Variants in TATDN2 observed in about 807,000 individuals in gnomAD.
The protein encoded by TATDN2 is 3'-5' RNA nuclease TATDN2.
TATDN2 carries 44 observed loss-of-function variants against 60.3 expected under a neutral mutation model. That is an observed-to-expected ratio of 0.73 (90% CI 0.57 to 0.94). The LOEUF (loss-of-function observed/expected upper bound fraction) is 0.94, where lower values mean the gene tolerates loss of function less well. TATDN2 is among the 40% of genes least tolerant of loss of function. TATDN2 has a pLI of 0.00. For synonymous variants in TATDN2, 399 were observed against 355.8 expected, an observed-to-expected ratio of 1.12 and a Z score of -1.37; for missense variants, 997 against 948.0, an observed-to-expected ratio of 1.05 and a Z score of -0.68.
At position 10,279,009 on chromosome 3, in the gene TATDN2, GC is replaced by G; in HGVS notation, c.2272del (p.Leu758SerfsTer23). ...TLAALRENTS[R>X]LYSL ...GCTGCCTTGCGTGAGAACACCAGTC[GC>G]CTCTACAGTCTTTAAGCAGAGAAGG... On this transcript the variant is annotated frameshift_variant, in exon 7 of 8. Transcript: ENST00000448281. LOFTEE classifies it high-confidence loss of function. 1.9e-6 allele frequency: 3 copies of G among 1,614,212 alleles called. No individual in the cohort carries two copies. In the South Asian group the frequency reaches 3.3e-5, roughly 18 times the overall value.
At position 10,260,153 on chromosome 3, in the gene TATDN2, G is replaced by C; in HGVS notation, c.431G>C (p.Ser144Thr). 1 of 1,609,294 alleles carries C rather than the reference G, an allele frequency of 6.2e-7. No homozygotes were observed. The highest frequency in any genetic ancestry group is 8.5e-7 in the Non-Finnish European group (1 of 1,178,538). ...ACSLKVDSKD[S>T]SHNSTNSEFA... is the part of the protein sequence containing the mutation. ...TTTTCCCAGGTTGATTCCAAAGATA[G>C]TTCTCATAACTCCACAAACTCTGAA... Residue 144 changes from serine (S) to threonine (T), a missense_variant, in exon 3 of 8, where the codon AGT becomes ACT. By Grantham distance (58) the Ser-to-Thr change is moderately conservative. Coordinates refer to ENST00000448281, the MANE Select transcript of TATDN2 (RefSeq NM_014760.4).
At position 10,276,542 on chromosome 3, in the gene TATDN2, G is replaced by A. The variant is rs948790856; in HGVS notation, c.1961+54G>A. The A allele has an allele frequency of 2.8e-5, 44 of 1,573,422 alleles. 1 individual carries two copies. In the African/African-American group the frequency reaches 6.2e-4, roughly 22 times the overall value. ...ATGAAAGAAACACTTCCTCTGTCAA[G>A]TTGATGAGGACAGCAATGATCGTAT... On this transcript the variant is annotated intron_variant, in intron 5 of 7. Transcript: ENST00000448281.
Position 10,264,133 on chromosome 3 carries a change from G to C in TATDN2, c.948+3463G>C, listed in dbSNP as rs182389229. Among the ~76,000 whole-genome samples, 90 of 152,278 alleles carry C rather than the reference G, an allele frequency of 5.9e-4. 1 individual carries two copies. The highest frequency in any genetic ancestry group is 6.6e-4 in the Non-Finnish European group (45 of 68,030). ...TGTCTTCAAACAACTCACCTTCTCT[G>C]AGTATGAGGAGGGAATCTGGGATCT... On this transcript the variant is annotated intron_variant, in intron 3 of 7. Transcript: ENST00000448281.
At chr3:10,252,692 A>AGT (rs1293668017) in intron 2 of TATDN2, among the ~76,000 whole-genome samples, 5 of 134,854 alleles carry the variant, frequency 3.7e-5, no homozygotes. Flanking sequence ...TGCTCTGTAA[A>AGT]CTTTTTTTTT....
In TATDN2 at chr3:10,249,309, C is replaced by G. The variant is rs1417541700; in HGVS notation, c.109C>G (p.Arg37Gly). The change falls in exon 2 of 8, where the codon CGG (arginine) becomes GGG (glycine). Residue 37 changes from arginine to glycine, a missense_variant. By Grantham distance (125) the Arg-to-Gly change is moderately radical. Coordinates refer to ENST00000448281, the MANE Select transcript of TATDN2 (RefSeq NM_014760.4). ...GCCCTGTGATGTGGCCCCCTCCAGC[C>G]GGCCAGCTCAGAGGTCTGCGTCGCG... ...REPCDVAPSS[R>G]PAQRSASRSG... 14 of 1,607,428 alleles carry G rather than the reference C, an allele frequency of 8.7e-6. No homozygotes were observed. The highest frequency in any genetic ancestry group is 1.3e-5 in the African/African-American group (1 of 74,784).
chr3:10,271,710 T>TTTTTTC (rs1467868970), intron 4 of TATDN2, among the ~76,000 whole-genome samples: 1 of 152,176 alleles, frequency 6.6e-6, no homozygotes. Context: ...CTGTTAATAT[T>TTTTTTC]TTTTTCTTTT....
At chr3:10,271,802 C>T (rs751463229) in intron 4 of TATDN2, among the ~76,000 whole-genome samples, 17 of 104,628 alleles carry the variant, frequency 1.6e-4, no homozygotes, top group Non-Finnish European at 3.4e-4. Context: ...CCTCCACCTC[C>T]GCCTCCGCCT....
At chr3:10,254,346 G>T (rs1698273234) in intron 2 of TATDN2, among the ~76,000 whole-genome samples, 1 of 152,192 alleles carries the variant, frequency 6.6e-6, no homozygotes, top group Non-Finnish European at 1.5e-5. Context: ...CAAGGAGGGG[G>T]ACAGGACATT....
At chr3:10,267,314 C>G (rs1325317100) in intron 3 of TATDN2, among the ~76,000 whole-genome samples, 1 of 151,474 alleles carries the variant, frequency 6.6e-6, no homozygotes, top group Non-Finnish European at 1.5e-5. Context: ...GCCAACTTGA[C>G]TCTAGAAACC....
rs530805671 is a variant in TATDN2 at position 10,278,019 on chromosome 3, G to A, written c.1962-260G>A. Reference sequence around the variant, plus strand: ...CATTTCCTATCCCAGTGTGTTCTCTGTGGTGGTCATCTCAGGGGACTGCAG... The same window carrying A: ...CATTTCCTATCCCAGTGTGTTCTCTATGGTGGTCATCTCAGGGGACTGCAG... On this transcript the variant is annotated intron_variant, in intron 5 of 7. Coordinates refer to ENST00000448281, the MANE Select transcript of TATDN2 (RefSeq NM_014760.4). This position sits in a 1 kb window ranked among gnomAD's most constrained non-coding sequence, Gnocchi z 4.7. 6.6e-6 allele frequency among the ~76,000 whole-genome samples: 1 copy of A among 152,228 alleles called. No homozygotes were observed. Among genetic ancestry groups the A allele is most frequent in the African/African-American group, 2.4e-5 (1 of 41,526 alleles).
At chr3:10,269,476 A>G (rs1035585518) in intron 3 of TATDN2, among the ~76,000 whole-genome samples, 3 of 152,200 alleles carry the variant, frequency 2.0e-5, no homozygotes, top group African/African-American at 7.2e-5. Flanking sequence ...TGGGAGGCCA[A>G]GGCAGGAGGA....
intron 2 of TATDN2, 51 bp downstream of exon 2, chr3:10,249,665 G>C: frequency 6.8e-7 from 1 of 1,479,796 alleles, no homozygotes; most frequent in Non-Finnish European, 9.0e-7. Flanking sequence ...CACATGGCTT[G>C]AGAGGTTGGG....
In TATDN2 at chr3:10,260,084, T is replaced by C. The variant is rs375232465; in HGVS notation, c.415-53T>C. On this transcript the variant is annotated intron_variant, in intron 2 of 7. Coordinates refer to ENST00000448281, the MANE Select transcript of TATDN2 (RefSeq NM_014760.4). The stretch of plus-strand genomic sequence containing the variant: ...GATTTATAATTTGCCAAATGCTTCA[T>C]GTACGAAAGTGCCCTTGGAACAGCC... 2,226 of 1,548,430 alleles carry C rather than the reference T, an allele frequency of 1.4e-3. 22 individuals are homozygous for C. In the Middle Eastern group the frequency reaches 0.017, roughly 12 times the overall value.
rs549270225 is a variant in TATDN2 at position 10,251,287 on chromosome 3, G to A, written c.414+1673G>A. 1.2e-4 allele frequency among the ~76,000 whole-genome samples: 19 copies of A among 152,146 alleles called. 1 individual carries two copies. Among genetic ancestry groups the A allele is most frequent in the Admixed American group, 2.0e-4 (3 of 15,274 alleles). Reference sequence around the variant, plus strand: ...GAGCCCAGAATGGAGGCTGGAGAGCGAGGTAGGGGGTGGATTGCAGCAAGG... The same window carrying A: ...GAGCCCAGAATGGAGGCTGGAGAGCAAGGTAGGGGGTGGATTGCAGCAAGG... On this transcript the variant is annotated intron_variant, in intron 2 of 7. Transcript: ENST00000448281.
At position 10,278,415 on chromosome 3, in the gene TATDN2, G is replaced by A; in HGVS notation, c.2098G>A (p.Glu700Lys). ...AREALRQIPLERIIVETDAPY... is the reference protein window; with the variant it reads ...AREALRQIPLKRIIVETDAPY... ...GGAAGCCTTGAGGCAGATCCCACTG[G>A]AGAGAATCATCGTGGAAACGGATGC... Residue 700 changes from glutamate (E) to lysine (K), a missense_variant, in exon 6 of 8, where the codon GAG becomes AAG. Physicochemically the swap from Glu to Lys is moderately conservative, Grantham distance 56 (BLOSUM62 1). Coordinates refer to ENST00000448281, the MANE Select transcript of TATDN2 (RefSeq NM_014760.4). This position sits in a 1 kb window ranked among gnomAD's most constrained non-coding sequence, Gnocchi z 4.7. 3 of 1,614,098 alleles carry A rather than the reference G, an allele frequency of 1.9e-6. No individual in the cohort carries two copies. Among genetic ancestry groups the A allele is most frequent in the Non-Finnish European group, 2.5e-6 (3 of 1,179,954 alleles).
At chr3:10,254,938 T>G (rs1698282491) in intron 2 of TATDN2, among the ~76,000 whole-genome samples, 1 of 151,964 alleles carries the variant, frequency 6.6e-6, no homozygotes, top group Non-Finnish European at 1.5e-5. Context: ...CCATCTTAGG[T>G]CCTCCAGCCT....
At position 10,278,053 on chromosome 3, in the gene TATDN2, G is replaced by T. The variant is rs931266828; in HGVS notation, c.1962-226G>T. 6.6e-6 allele frequency among the ~76,000 whole-genome samples: 1 copy of T among 152,128 alleles called. No homozygotes were observed. Among genetic ancestry groups the T allele is most frequent in the African/African-American group, 2.4e-5 (1 of 41,422 alleles). On this transcript the variant is annotated intron_variant, in intron 5 of 7. Coordinates refer to ENST00000448281, the MANE Select transcript of TATDN2 (RefSeq NM_014760.4). The surrounding 1 kb of genome is among the most constrained non-coding windows in gnomAD (Gnocchi z 4.7). Reference sequence around the variant, plus strand: ...ATCTCAGGGGACTGCAGAGCACTCTGTGGTGTGCGTGGTATCTCTGAGTGA... The same window carrying T: ...ATCTCAGGGGACTGCAGAGCACTCTTTGGTGTGCGTGGTATCTCTGAGTGA...
At chr3:10,271,135 G>A in intron 4 of TATDN2, 120 bp downstream of exon 4, 1 of 1,316,814 alleles carries the variant, frequency 7.6e-7, no homozygotes, top group Non-Finnish European at 1.0e-6. Context: ...AAAACGCAGT[G>A]TGCTTGCTCT....
intron 2 of TATDN2, among the ~76,000 whole-genome samples, chr3:10,254,709 C>T (rs1032694425): frequency 2.0e-5 from 3 of 152,168 alleles, no homozygotes; most frequent in Non-Finnish European, 2.9e-5. Context: ...TGTTGAAATC[C>T]TTCAGGCTAC....
Sources: gnomAD v4.1 joint callset for allele counts (sites outside exome capture counted in the v4.1 genomes callset) on GRCh38, gnomAD v4.1.1 for gene constraint, Gnocchi (gnomAD v3.1) non-coding constraint, MANE v1.5 for transcripts, NCBI Gene and HGNC (gene_info 2026-07-23, HGNC 2026-07-21) for gene names.